The following IL15RA variants were observed in gnomAD, a reference collection of about 807,000 sequenced individuals.
IL15RA encodes interleukin 15 receptor subunit alpha, also known as interleukin-15 receptor subunit alpha.
In IL15RA, 26 loss-of-function variants were observed where a neutral mutation model predicts 24.2. The ratio of observed to expected loss-of-function variants is 1.07; its 90% CI spans 0.79 to 1.49. IL15RA has a LOEUF of 1.49. Among genes scored for constraint, IL15RA ranks in the 40% most tolerant of loss-of-function variants. The pLI is 0.00. For synonymous variants in IL15RA, 166 were observed against 157.6 expected (o/e 1.05, Z -0.40); for missense variants, 354 against 356.4 (o/e 0.99, Z 0.05).
chr10:5,976,280 G>T (rs1217425909), intron 1 of IL15RA, among the ~76,000 whole-genome samples: 2 of 151,152 alleles, frequency 1.3e-5, no homozygotes, highest in Non-Finnish European at 1.5e-5. Flanking sequence ...TGGGGTGGGG[G>T]TGGCAGAGGG....
At position 5,961,117 on chromosome 10, in the gene IL15RA, G is replaced by C. The variant is rs1020827974; in HGVS notation, c.383-550C>G. 6.6e-6 allele frequency among the ~76,000 whole-genome samples: 1 copy of C among 152,094 alleles called. No homozygotes were observed. The highest frequency in any genetic ancestry group is 1.5e-5 in the Non-Finnish European group (1 of 68,032). ...TTTAATAGAGATGGGGTTTCACCAC[G>C]TTGGCCAGGCCGGTCTCAAACTCCT... On this transcript the variant is annotated intron_variant, in intron 3 of 6. Coordinates refer to ENST00000379977, the MANE Select transcript of IL15RA (RefSeq NM_002189.4). The surrounding 1 kb of genome is among the most constrained non-coding windows in gnomAD (Gnocchi z 5.2).
At chr10:5,949,396 C>T (rs1833715515), downstream of IL15RA, 1 of 470,088 alleles carries the variant, frequency 2.1e-6, no homozygotes, top group South Asian at 1.6e-5. The surrounding 1 kb of genome is among the most constrained non-coding windows in gnomAD (Gnocchi z 4.4). Flanking sequence ...CCTAATATTA[C>T]CTAAAATATG....
At chr10:5,977,358 G>GCCCCCTTCCAAGTCCCGC (rs1360526264) in intron 1 of IL15RA, 47 bp downstream of exon 1, 13 of 942,162 alleles carry the variant, frequency 1.4e-5, no homozygotes, top group Non-Finnish European at 2.8e-6. Flanking sequence ...CCACGTCCCG[G>GCCCCCTTCCAAGTCCCGC]CCCCCTTCCA....
At chr10:5,972,828 C>T (rs893867438) in intron 1 of IL15RA, among the ~76,000 whole-genome samples, 1 of 152,092 alleles carries the variant, frequency 6.6e-6, no homozygotes, top group Admixed American at 6.6e-5. Flanking sequence ...TATACACTCA[C>T]GTTTTCACCA....
In IL15RA at chr10:5,968,973, C is replaced by T; in HGVS notation, c.89-2634G>A. 1 of 1,534,930 alleles carries T rather than the reference C, an allele frequency of 6.5e-7. No individual in the cohort carries two copies. The highest frequency in any genetic ancestry group is 8.7e-7 in the Non-Finnish European group (1 of 1,146,364). On this transcript the variant is annotated intron_variant, in intron 1 of 6. Coordinates refer to ENST00000379977, the MANE Select transcript of IL15RA (RefSeq NM_002189.4). The surrounding 1 kb of genome is among the most constrained non-coding windows in gnomAD (Gnocchi z 5.4). Reference sequence around the variant, plus strand: ...GGAAGTGTTCCCTGCCCATTTCCAGCAGCCGTGGACCTCCAGGGCTGTTTG... The same window carrying T: ...GGAAGTGTTCCCTGCCCATTTCCAGTAGCCGTGGACCTCCAGGGCTGTTTG...
intron 6 of IL15RA, among the ~76,000 whole-genome samples, chr10:5,954,724 T>C (rs1834291678): frequency 6.6e-6 from 1 of 151,748 alleles, no homozygotes. Context: ...AGAGATGGTA[T>C]GTACATTTAA....
chr10:5,956,957 ATT>A (rs767909938), intron 5 of IL15RA, among the ~76,000 whole-genome samples: 6,393 of 127,340 alleles, frequency 0.05, 136 homozygotes, highest in African/African-American at 0.12. Flanking sequence ...TTCACTTGCA[ATT>A]TTTTTTTTTT....
chr10:5,974,323 G>C (rs1469528876), intron 1 of IL15RA, among the ~76,000 whole-genome samples: 1 of 151,554 alleles, frequency 6.6e-6, no homozygotes, highest in Non-Finnish European at 1.5e-5. Context: ...TTTTAAGAGA[G>C]CAAAAAAAAT....
chr10:5,967,371 ATT>A lies in IL15RA; in HGVS notation c.89-1034_89-1033del, dbSNP rs1214706996. On this transcript the variant is annotated intron_variant, in intron 1 of 6. Transcript: ENST00000379977. This position sits in a 1 kb window ranked among gnomAD's most constrained non-coding sequence, Gnocchi z 4.4. ...AGGTGCACACCACCACACCCAGCTA[ATT>A]TTTGTATTTTTAGTAGAGACAGGGT... is the stretch of plus-strand genomic sequence containing the variant. Among the ~76,000 whole-genome samples, 1 of 152,024 alleles carries A rather than the reference ATT, an allele frequency of 6.6e-6. No homozygotes were observed. The highest frequency in any genetic ancestry group is 1.5e-5 in the Non-Finnish European group (1 of 68,016).
At chr10:5,977,908 T>G (rs1838708289), upstream of IL15RA, 1 of 291,982 alleles carries the variant, frequency 3.4e-6, no homozygotes, top group Admixed American at 5.2e-5. Context: ...TCTCCAGCCC[T>G]CTCTGCGGCT....
rs754823263 is a variant in IL15RA, at chr10:5,955,556, T to C, written c.692+823A>G. On this transcript the variant is annotated intron_variant, in intron 6 of 6. Transcript: ENST00000379977. This position sits in a 1 kb window ranked among gnomAD's most constrained non-coding sequence, Gnocchi z 5.3. ...ATTGATAGAAGTACAAAATGAAGGC[T>C]AGAATGCCATTTGAGGCTTTAATCA... is the stretch of plus-strand genomic sequence containing the variant. Among the ~76,000 whole-genome samples the C allele has an allele frequency of 6.6e-6, 1 of 152,168 alleles. No homozygotes were observed. Among genetic ancestry groups the C allele is most frequent in the Non-Finnish European group, 1.5e-5 (1 of 68,034 alleles).
chr10:5,958,386 G>C lies in IL15RA; in HGVS notation c.616+1368C>G. The stretch of plus-strand genomic sequence containing the variant: ...GATTTTTGAGTTAGAAATGGGATTT[G>C]CTTTTCGTCTTTTTTTTGAGACAGG... On this transcript the variant is annotated intron_variant, in intron 5 of 6. Coordinates refer to ENST00000379977, the MANE Select transcript of IL15RA (RefSeq NM_002189.4). This position sits in a 1 kb window ranked among gnomAD's most constrained non-coding sequence, Gnocchi z 4.3. The C allele has an allele frequency of 2.3e-6, 1 of 436,220 alleles. No homozygotes were observed. The highest frequency in any genetic ancestry group is 4.6e-6 in the Non-Finnish European group (1 of 215,386). 27.0% of individuals were successfully genotyped at this position (436,220 alleles called of 1,614,324 possible). A position where few individuals can be genotyped will look rare whatever the true frequency, so the allele number is the denominator to read the frequency against.
intron 1 of IL15RA, chr10:5,976,948 C>T (rs1220405018): frequency 3.2e-5 from 5 of 154,404 alleles, no homozygotes; most frequent in African/African-American, 1.2e-4. Flanking sequence ...ACATAATTTA[C>T]TTTTGCCTGG....
Position 5,960,704 on chromosome 10 carries a change from G to T in IL15RA, c.383-137C>A. 2.8e-6 allele frequency: 2 copies of T among 712,648 alleles called. No homozygotes were observed. Among genetic ancestry groups the T allele is most frequent in the Non-Finnish European group, 5.0e-6 (2 of 403,616 alleles). 44.1% of individuals were successfully genotyped at this position (712,648 alleles called of 1,614,324 possible). On this transcript the variant is annotated intron_variant, in intron 3 of 6. Coordinates refer to ENST00000379977, the MANE Select transcript of IL15RA (RefSeq NM_002189.4). This position sits in a 1 kb window ranked among gnomAD's most constrained non-coding sequence, Gnocchi z 5.1. ...CCTCTCTCACAGCCAACTGCTCCTT[G>T]AGAGGGTGACATAGCCGTTCCTCTG...
Position 5,961,994 on chromosome 10 carries a change from G to A in IL15RA, c.383-1427C>T, listed in dbSNP as rs576684735. Among the ~76,000 whole-genome samples the A allele has an allele frequency of 1.3e-5, 2 of 152,182 alleles. No homozygotes were observed. The highest frequency in any genetic ancestry group is 2.9e-5 in the Non-Finnish European group (2 of 68,040). ...CATCCTCAGCCAAGTGCCCACGGTC[G>A]TGCCAGCTCGGGTCAAAGGCTGCTG... On this transcript the variant is annotated intron_variant, in intron 3 of 6. Coordinates refer to ENST00000379977, the MANE Select transcript of IL15RA (RefSeq NM_002189.4). This position sits in a 1 kb window ranked among gnomAD's most constrained non-coding sequence, Gnocchi z 5.2.
In IL15RA at chr10:5,963,690, C is replaced by T; in HGVS notation, c.382+53G>A. ...GAGTCTGCAGGATTGGTGAGCGGGC[C>T]TCTGGGTGTTGGGAGGGAATGAATG... On this transcript the variant is annotated intron_variant, in intron 3 of 6. Coordinates refer to ENST00000379977, the MANE Select transcript of IL15RA (RefSeq NM_002189.4). The surrounding 1 kb of genome is among the most constrained non-coding windows in gnomAD (Gnocchi z 5.3). 2 of 1,192,136 alleles carry T rather than the reference C, an allele frequency of 1.7e-6. No individual in the cohort carries two copies. The highest frequency in any genetic ancestry group is 3.4e-5 in the South Asian group (2 of 59,620). The allele number at this position is 1,192,136 out of a possible 1,614,324, so 73.8% of individuals were successfully genotyped here.
chr10:5,966,067 C>T lies in IL15RA; in HGVS notation c.283+78G>A, dbSNP rs3181148. 0.11 allele frequency: 109,098 copies of T among 1,037,308 alleles called. 6,941 individuals are homozygous for T. Among genetic ancestry groups the T allele is most frequent in the East Asian group, 0.25 (10,110 of 40,140 alleles). 64.3% of individuals were successfully genotyped at this position (1,037,308 alleles called of 1,614,324 possible). ...AGACCTCAGCACAGATCCCTTGACC[C>T]CTGAGATGGGGTCTTCTCTCTGTGC... On this transcript the variant is annotated intron_variant, in intron 2 of 6. Transcript: ENST00000379977. The surrounding 1 kb of genome is among the most constrained non-coding windows in gnomAD (Gnocchi z 6.4).
chr10:5,949,261 C>T (rs187876182), downstream of IL15RA: 52 of 471,146 alleles, frequency 1.1e-4, no homozygotes, highest in African/African-American at 9.2e-4. This position sits in a 1 kb window ranked among gnomAD's most constrained non-coding sequence, Gnocchi z 4.4. Flanking sequence ...GGATGAGGGA[C>T]GGACGGTTTC....
chr10:5,956,397 G>A lies in IL15RA; in HGVS notation c.674C>T (p.Ala225Val), dbSNP rs772052508. ...LCGLSAVSLL[A>V]CYLKSRQTPP... ...AACTCACCTTGACTTGAGGTAGCAT[G>A]CCAGGAGAGACACAGCGCTCAGCCC... The change falls in exon 6 of 7, where the codon GCA becomes GTA. Residue 225 changes from alanine to valine, a missense_variant. Transcript: ENST00000379977. The A allele has an allele frequency of 3.6e-5, 58 of 1,613,562 alleles. No homozygotes were observed. The highest frequency in any genetic ancestry group is 4.8e-5 in the Non-Finnish European group (57 of 1,179,592).
Sources: allele counts gnomAD v4.1 joint callset (sites outside exome capture counted in the v4.1 genomes callset), GRCh38; gene constraint gnomAD v4.1.1; non-coding constraint Gnocchi (gnomAD v3.1); transcripts MANE v1.5; gene names NCBI Gene and HGNC (gene_info 2026-07-23, HGNC 2026-07-21).